RELCH: variants seen among roughly 807,000 people sequenced by gnomAD.
RELCH encodes the protein RAB11-binding protein RELCH.
Under a neutral mutation model 150.3 loss-of-function variants are expected in RELCH, and 41 were observed. The ratio of observed to expected loss-of-function variants is 0.27; its 90% CI spans 0.21 to 0.35. The LOEUF (loss-of-function observed/expected upper bound fraction) is 0.35, where lower values mean the gene tolerates loss of function less well. Among genes scored for constraint, RELCH ranks in the 10% least tolerant of loss-of-function variants. RELCH has a pLI of 1.00. For synonymous variants in RELCH, 478 were observed against 531.8 expected (o/e 0.90, Z 1.39); for missense variants, 1,092 against 1,467.8 (o/e 0.74, Z 4.18).
chr18:62,291,622 A>G lies in RELCH; in HGVS notation c.3450A>G (p.Pro1150=). 1 of 1,604,440 alleles carries G rather than the reference A, an allele frequency of 6.2e-7. No homozygotes were observed. The highest frequency in any genetic ancestry group is 8.5e-7 in the Non-Finnish European group (1 of 1,173,656). The change falls in exon 27 of 29, where the codon CCA becomes CCG. Residue 1150 remains proline (P), a synonymous_variant. Transcript: ENST00000644646. The part of the protein sequence containing the change: ...CLRTDMEHLS[P]EHEVILSSMI... ...GGACTGACATGGAACATCTCTCTCC[A>G]GAGCATGAGGTGAGCCACTGTGATT...
chr18:62,255,109 T>C (rs2042928054), intron 12 of RELCH, among the ~76,000 whole-genome samples: 1 of 152,124 alleles, frequency 6.6e-6, no homozygotes, highest in South Asian at 2.1e-4. Flanking sequence ...TCCTGGTTTC[T>C]CCTGTTACTC....
chr18:62,258,291 G>A (rs2043086356), intron 14 of RELCH, among the ~76,000 whole-genome samples: 1 of 151,938 alleles, frequency 6.6e-6, no homozygotes, highest in African/African-American at 2.4e-5. Context: ...ATCTGCCACA[G>A]CTTTCTGGCA....
chr18:62,310,233 T>G lies in RELCH; in HGVS notation c.*4699T>G, dbSNP rs1364670766. On this transcript the variant is annotated 3_prime_UTR_variant, in exon 29 of 29. Coordinates refer to ENST00000644646, the MANE Select transcript of RELCH (RefSeq NM_001346231.2). ...TTAAATAATGAAACTTAAAGGTGAA[T>G]ACTTTCATAATGTAAATTGTTTTCT... is the stretch of plus-strand genomic sequence containing the variant. The G allele has an allele frequency of 2.0e-5, 3 of 152,232 alleles. No individual in the cohort carries two copies. The highest frequency in any genetic ancestry group is 1.3e-4 in the Admixed American group (2 of 15,280). The allele number at this position is 152,232 out of a possible 1,614,324, so 9.4% of individuals were successfully genotyped here. A position where few individuals can be genotyped will look rare whatever the true frequency, so the allele number is the denominator to read the frequency against.
chr18:62,288,617 G>C (rs980785772), intron 26 of RELCH, among the ~76,000 whole-genome samples: 4 of 152,112 alleles, frequency 2.6e-5, no homozygotes, highest in African/African-American at 9.7e-5. Flanking sequence ...GCCTAATCGT[G>C]AGGAGGATAT....
At chr18:62,287,288 G>T (rs1359311704) in intron 25 of RELCH, 63 bp from the exon 26 acceptor site, 7 of 760,752 alleles carry the variant, frequency 9.2e-6, no homozygotes, top group Non-Finnish European at 1.4e-5. Flanking sequence ...TATTGTTAAA[G>T]TGTGTCAGGG....
At chr18:62,274,161 AAGTCTAAAAG>A in intron 21 of RELCH, 75 bp downstream of exon 21, 1 of 907,862 alleles carries the variant, frequency 1.1e-6, no homozygotes, top group Non-Finnish European at 1.7e-6. Flanking sequence ...TACATATTTT[AAGTCTAAAAG>A]AGTTGACATG....
chr18:62,253,961 T>C (rs565385292), intron 12 of RELCH, among the ~76,000 whole-genome samples: 2 of 152,132 alleles, frequency 1.3e-5, no homozygotes, highest in Non-Finnish European at 2.9e-5. Context: ...AATTTAATGG[T>C]TTCAGTGTTG....
intron 2 of RELCH, among the ~76,000 whole-genome samples, chr18:62,220,669 C>T (rs1422349775): frequency 1.3e-5 from 2 of 151,960 alleles, no homozygotes; most frequent in Non-Finnish European, 2.9e-5. Flanking sequence ...ATGTCACCTG[C>T]ACACATCCAT....
intron 8 of RELCH, 50 bp from the exon 9 acceptor site, chr18:62,231,144 G>A: frequency 8.4e-7 from 1 of 1,186,092 alleles, no homozygotes. Flanking sequence ...CTCCTTAAAT[G>A]TCAATGGTAA....
intron 5 of RELCH, among the ~76,000 whole-genome samples, chr18:62,224,255 G>T (rs2041071169): frequency 6.6e-6 from 1 of 152,108 alleles, no homozygotes; most frequent in African/African-American, 2.4e-5. Flanking sequence ...TGCTGAGAAT[G>T]ATGGTTTCCA....
chr18:62,248,759 G>A (rs1486673056), intron 11 of RELCH, among the ~76,000 whole-genome samples: 1 of 152,154 alleles, frequency 6.6e-6, no homozygotes, highest in African/African-American at 2.4e-5. Flanking sequence ...TGGCTAAAGA[G>A]ATACGGTATG....
At chr18:62,253,071 G>A (rs2042807929) in intron 12 of RELCH, among the ~76,000 whole-genome samples, 1 of 152,242 alleles carries the variant, frequency 6.6e-6, no homozygotes. Flanking sequence ...CTGCTATTTT[G>A]TAGTAATTTA....
intron 1 of RELCH, among the ~76,000 whole-genome samples, chr18:62,199,622 G>A (rs551822966): frequency 5.9e-5 from 9 of 152,126 alleles, no homozygotes; most frequent in Non-Finnish European, 8.8e-5. Flanking sequence ...CTTTATATCC[G>A]ATTTCCTCAA....
intron 22 of RELCH, among the ~76,000 whole-genome samples, chr18:62,276,390 A>C (rs2044209848): frequency 6.6e-6 from 1 of 152,150 alleles, no homozygotes; most frequent in Non-Finnish European, 1.5e-5. Context: ...TAATGCTTGT[A>C]AAGCCCTTAA....
chr18:62,276,772 C>T (rs1259556481), intron 22 of RELCH, among the ~76,000 whole-genome samples: 2 of 152,064 alleles, frequency 1.3e-5, no homozygotes, highest in African/African-American at 4.8e-5. Context: ...CCATGTTATT[C>T]CCTCAGTTAT....
At position 62,187,378 on chromosome 18, in the gene RELCH, A is replaced by G; in HGVS notation, c.-128A>G. 1 of 822,976 alleles carries G rather than the reference A, an allele frequency of 1.2e-6. No homozygotes were observed. The highest frequency in any genetic ancestry group is 1.8e-6 in the Non-Finnish European group (1 of 561,144). The allele number at this position is 822,976 out of a possible 1,614,324, so 51.0% of individuals were successfully genotyped here. A position where few individuals can be genotyped will look rare whatever the true frequency, so the allele number is the denominator to read the frequency against. Reference sequence around the variant, plus strand: ...GCCTTGGAGCGTACTCCTTGTCTCTAAGTCGGGAGGCAGGACGTGGTCAGG... The same window carrying G: ...GCCTTGGAGCGTACTCCTTGTCTCTGAGTCGGGAGGCAGGACGTGGTCAGG... On this transcript the variant is annotated 5_prime_UTR_variant, in exon 1 of 29. Coordinates refer to ENST00000644646, the MANE Select transcript of RELCH (RefSeq NM_001346231.2).
At position 62,261,359 on chromosome 18, in the gene RELCH, A is replaced by G. The variant is rs528731300; in HGVS notation, c.2203-152A>G. On this transcript the variant is annotated intron_variant, in intron 15 of 28. Coordinates refer to ENST00000644646, the MANE Select transcript of RELCH (RefSeq NM_001346231.2). ...TATAGTTTTCCATGTAAAAGATTCT[A>G]CCACTCTAGAGTGCCTTACTGCTTG... 2.4e-5 allele frequency: 12 copies of G among 493,628 alleles called. No homozygotes were observed. In the East Asian group the frequency reaches 3.1e-4, roughly 13 times the overall value. The allele number at this position is 493,628 out of a possible 1,614,324, so 30.6% of individuals were successfully genotyped here.
chr18:62,249,744 A>G (rs1235335289), intron 11 of RELCH, among the ~76,000 whole-genome samples: 4 of 151,026 alleles, frequency 2.6e-5, no homozygotes, highest in African/African-American at 4.9e-5. Context: ...ACTCAAGTCC[A>G]CGCTTTTTTT....
In RELCH at chr18:62,307,735, A is replaced by C. The variant is rs1472950052; in HGVS notation, c.*2201A>C. 1 of 152,250 alleles carries C rather than the reference A, an allele frequency of 6.6e-6. No homozygotes were observed. Among genetic ancestry groups the C allele is most frequent in the Non-Finnish European group, 1.5e-5 (1 of 68,036 alleles). 9.4% of individuals were successfully genotyped at this position (152,250 alleles called of 1,614,324 possible). On this transcript the variant is annotated 3_prime_UTR_variant, in exon 29 of 29. Coordinates refer to ENST00000644646, the MANE Select transcript of RELCH (RefSeq NM_001346231.2). Reference sequence around the variant, plus strand: ...GTACAAGTTTTTAAGTGTTCAACTTAATGAAAAACTAAGTTTGCAAAGTAA... The same window carrying C: ...GTACAAGTTTTTAAGTGTTCAACTTCATGAAAAACTAAGTTTGCAAAGTAA...
Sources: allele counts gnomAD v4.1 joint callset (sites outside exome capture counted in the v4.1 genomes callset), GRCh38; gene constraint gnomAD v4.1.1; transcripts MANE v1.5; gene names NCBI Gene and HGNC (gene_info 2026-07-23, HGNC 2026-07-21).